LRRK1: variants seen among roughly 807,000 people sequenced by gnomAD.
LRRK1 encodes the protein leucine rich repeat kinase 1, also known as leucine-rich repeat serine/threonine-protein kinase 1.
In LRRK1, 113 loss-of-function variants were observed where a neutral mutation model predicts 209.1. That is an observed-to-expected ratio of 0.54 (90% confidence interval 0.46 to 0.63). LRRK1 has a LOEUF of 0.63. LRRK1 is among the 30% of genes least tolerant of loss of function. The pLI is 0.00. For synonymous variants in LRRK1, 1,144 were observed against 1,099.7 expected (o/e 1.04, Z -0.80); for missense variants, 2,284 against 2,632.2 (o/e 0.87, Z 2.89).
chr15:101,000,696 C>T (rs781164436), intron 6 of LRRK1, among the ~76,000 whole-genome samples: 16 of 152,220 alleles, frequency 1.1e-4, no homozygotes, highest in African/African-American at 3.1e-4. Context: ...GTCTTCACAT[C>T]GTCTTCCCGT....
At chr15:101,053,150 G>C in intron 25 of LRRK1, 62 bp downstream of exon 25, 1 of 1,590,114 alleles carries the variant, frequency 6.3e-7, no homozygotes, top group Non-Finnish European at 8.6e-7. Context: ...TCTAAGCTCT[G>C]TGCGGCCTTA....
At chr15:101,038,905 G>T (rs74040254) in intron 20 of LRRK1, among the ~76,000 whole-genome samples, 2,341 of 152,138 alleles carry the variant, frequency 0.015, 48 homozygotes, top group African/African-American at 0.051. Flanking sequence ...CTGCACTTAA[G>T]GTCCACCCAG....
intron 4 of LRRK1, among the ~76,000 whole-genome samples, chr15:100,985,216 A>G (rs1186661594): frequency 1.3e-5 from 2 of 152,072 alleles, no homozygotes; most frequent in Non-Finnish European, 2.9e-5. Flanking sequence ...CTAAGACAAG[A>G]CATAGGAGGG....
In LRRK1 at chr15:101,010,546, T is replaced by C. The variant is rs1009333885; in HGVS notation, c.1086T>C (p.Asn362=). 3 of 1,612,376 alleles carry C rather than the reference T, an allele frequency of 1.9e-6. No individual in the cohort carries two copies. In the African/African-American group the frequency reaches 4.0e-5, roughly 22 times the overall value. The change falls in exon 8 of 34, where the codon AAT becomes AAC. Residue 362 remains asparagine, a synonymous_variant. Coordinates refer to ENST00000388948, the MANE Select transcript of LRRK1 (RefSeq NM_024652.6). ...TTCAAAAACTGACAGCTTCAAAAAA[T>C]TGTTTAGAAAAATTGTTCGAAGAAG... ...SKLQKLTASK[N]CLEKLFEEEN...
chr15:101,018,067 A>G (rs755828630), intron 12 of LRRK1, among the ~76,000 whole-genome samples: 67 of 152,292 alleles, frequency 4.4e-4, no homozygotes, highest in Non-Finnish European at 8.2e-4. Context: ...GGGAAGCATC[A>G]TAAACCAAGT....
chr15:100,945,467 A>G (rs985649127), intron 2 of LRRK1, among the ~76,000 whole-genome samples: 2 of 115,376 alleles, frequency 1.7e-5, no homozygotes, highest in East Asian at 4.7e-4. Flanking sequence ...TTTAAAAACT[A>G]TCTCTGCAGA....
intron 15 of LRRK1, among the ~76,000 whole-genome samples, chr15:101,023,584 A>T (rs1441521197): frequency 1.3e-5 from 2 of 152,200 alleles, no homozygotes; most frequent in East Asian, 1.9e-4. Context: ...CTCGGGATCC[A>T]AGGGGCAAGA....
Position 101,015,394 on chromosome 15 carries a change from C to T in LRRK1, c.1601C>T (p.Thr534Ile), listed in dbSNP as rs780075028. The T allele has an allele frequency of 1.2e-6, 2 of 1,612,920 alleles. No individual in the cohort carries two copies. Among genetic ancestry groups the T allele is most frequent in the Non-Finnish European group, 1.7e-6 (2 of 1,179,302 alleles). ...ACCAGAGGTCGCCAGCGCTCCGGGA[C>T]TGAGGCAGGTGTGTGTGGGTTGGGA... ...FTTRGRQRSG[T>I]EAASVLEFPA... Residue 534 changes from threonine (T) to isoleucine (I), a missense_variant, in exon 12 of 34, where the codon ACT becomes ATT. Transcript: ENST00000388948.
intron 12 of LRRK1, among the ~76,000 whole-genome samples, chr15:101,016,629 G>A (rs1269096805): frequency 1.3e-5 from 2 of 152,150 alleles, no homozygotes; most frequent in Non-Finnish European, 2.9e-5. Context: ...GGTGGGGGGC[G>A]GGGGACACAG....
In LRRK1 at chr15:101,029,196, C is replaced by T. The variant is rs2034173400; in HGVS notation, c.2927C>T (p.Ala976Val). The change falls in exon 20 of 34, where the codon GCC becomes GTC. Residue 976 changes from alanine (A) to valine (V), a missense_variant. Transcript: ENST00000388948. ...QTEEQYFQFLAKFEIALPVAN... is the reference protein window; with the variant it reads ...QTEEQYFQFLVKFEIALPVAN... ...GAAGAGCAGTACTTCCAGTTCCTGG[C>T]CAAGTTTGAGATCGCCCTGCCCGTC... The T allele has an allele frequency of 6.2e-7, 1 of 1,613,434 alleles. No individual in the cohort carries two copies. Among genetic ancestry groups the T allele is most frequent in the African/African-American group, 1.3e-5 (1 of 75,022 alleles).
intron 15 of LRRK1, among the ~76,000 whole-genome samples, chr15:101,023,415 G>C (rs989129774): frequency 6.6e-6 from 1 of 152,302 alleles, no homozygotes; most frequent in Middle Eastern, 3.4e-3. Flanking sequence ...ACATTTTCCT[G>C]TTCATGTAAC....
chr15:100,924,576 G>A lies in LRRK1; in HGVS notation c.-57G>A. 1 of 1,488,136 alleles carries A rather than the reference G, an allele frequency of 6.7e-7. No individual in the cohort carries two copies. Among genetic ancestry groups the A allele is most frequent in the East Asian group, 2.3e-5 (1 of 44,242 alleles). The allele number at this position is 1,488,136 out of a possible 1,614,324, so 92.2% of individuals were successfully genotyped here. A position where few individuals can be genotyped will look rare whatever the true frequency, so the allele number is the denominator to read the frequency against. ...GCCTTAATGCACCCCACAGCCAGCG[G>A]CAGTGGCAGTGACAACAGCGGGACC... On this transcript the variant is annotated 5_prime_UTR_variant, in exon 2 of 34. Transcript: ENST00000388948.
At chr15:100,937,822 A>G (rs1034947195) in intron 2 of LRRK1, among the ~76,000 whole-genome samples, 1 of 152,012 alleles carries the variant, frequency 6.6e-6, no homozygotes, top group African/African-American at 2.4e-5. Context: ...GGCGTGAGCC[A>G]CTGCGCCCAG....
intron 16 of LRRK1, among the ~76,000 whole-genome samples, chr15:101,025,484 G>T (rs2033985054): frequency 6.6e-6 from 1 of 152,234 alleles, no homozygotes; most frequent in Non-Finnish European, 1.5e-5. Flanking sequence ...ATGAAGAAAA[G>T]AGGTTCATTT....
intron 6 of LRRK1, among the ~76,000 whole-genome samples, chr15:100,996,674 C>T (rs552602121): frequency 6.6e-6 from 1 of 152,268 alleles, no homozygotes; most frequent in African/African-American, 2.4e-5. Context: ...CTTCATAGAA[C>T]TCGAAAATGG....
At chr15:100,980,573 C>T (rs1277882059) in intron 3 of LRRK1, among the ~76,000 whole-genome samples, 1 of 152,124 alleles carries the variant, frequency 6.6e-6, no homozygotes, top group African/African-American at 2.4e-5. Flanking sequence ...ATTGTACTAA[C>T]GTCAAGTATC....
intron 2 of LRRK1, among the ~76,000 whole-genome samples, chr15:100,937,042 A>G (rs995257764): frequency 3.3e-5 from 5 of 152,184 alleles, no homozygotes; most frequent in Admixed American, 2.6e-4. Flanking sequence ...TTTAATGGGT[A>G]GATGTCTCAC....
rs1415733977 is a variant in LRRK1 at position 101,055,084 on chromosome 15, A to T, written c.4193A>T (p.Asp1398Val). The change falls in exon 27 of 34, where the codon GAC becomes GTC. Residue 1398 changes from aspartate to valine, a missense_variant. Asp to Val is a radical substitution (Grantham distance 152). Transcript: ENST00000388948. ...GACAACATTCTGGTGTGGTCCCTTG[A>T]CGTCAAGGAGCACATCAACATCAAG... ...KSDNILVWSL[D>V]VKEHINIKLS... The T allele has an allele frequency of 1.9e-6, 3 of 1,614,174 alleles. No homozygotes were observed. Among genetic ancestry groups the T allele is most frequent in the Non-Finnish European group, 2.5e-6 (3 of 1,180,008 alleles).
chr15:100,951,968 AAT>A (rs1567197027), intron 2 of LRRK1, among the ~76,000 whole-genome samples: 11 of 116,128 alleles, frequency 9.5e-5, no homozygotes, highest in Non-Finnish European at 1.3e-4. Flanking sequence ...AAAAAAAAAT[AAT>A]AATAATAATA....
Sources: gnomAD v4.1 joint callset for allele counts (sites outside exome capture counted in the v4.1 genomes callset) on GRCh38, gnomAD v4.1.1 for gene constraint, MANE v1.5 for transcripts, NCBI Gene and HGNC (gene_info 2026-07-23, HGNC 2026-07-21) for gene names.